MAST2: variants seen among roughly 807,000 people sequenced by gnomAD.
MAST2 encodes microtubule associated serine/threonine kinase 2.
MAST2 carries 70 observed loss-of-function variants against 147.4 expected under a neutral mutation model. The ratio of observed to expected loss-of-function variants is 0.47; its 90% CI spans 0.39 to 0.58. The LOEUF is 0.58. Among genes scored for constraint, MAST2 ranks in the 20% least tolerant of loss-of-function variants. The pLI is 0.00. For synonymous variants in MAST2, 869 were observed against 896.8 expected (o/e 0.97, Z 0.55); for missense variants, 2,080 against 2,302.3 (o/e 0.90, Z 1.98).
chr1:45,856,167 T>A (rs1434572157), intron 3 of MAST2, among the ~76,000 whole-genome samples: 1 of 152,146 alleles, frequency 6.6e-6, no homozygotes, highest in Non-Finnish European at 1.5e-5. Flanking sequence ...AAACTTGTAA[T>A]TAATGTTTGA....
chr1:46,036,014 A>C lies in MAST2; in HGVS notation c.5345A>C (p.Gln1782Pro). Residue 1782 changes from glutamine (Q) to proline (P), a missense_variant, in exon 29 of 29, where the codon CAA becomes CCA. Coordinates refer to ENST00000361297, the MANE Select transcript of MAST2 (RefSeq NM_015112.3). Reference sequence around the variant, plus strand: ...AGGGGCCAAGAACCAGGGGGCCATCAAAAGCATCGGGATTTGGCATTGGTT... The same window carrying C: ...AGGGGCCAAGAACCAGGGGGCCATCCAAAGCATCGGGATTTGGCATTGGTT... Reference protein sequence around the residue: ...LRRGQEPGGHQKHRDLALVPD... With the variant: ...LRRGQEPGGHPKHRDLALVPD... 3 of 1,613,292 alleles carry C rather than the reference A, an allele frequency of 1.9e-6. No individual in the cohort carries two copies. The highest frequency in any genetic ancestry group is 1.7e-6 in the Non-Finnish European group (2 of 1,179,884).
intron 4 of MAST2, among the ~76,000 whole-genome samples, chr1:45,923,324 C>T (rs928827226): frequency 2.6e-5 from 4 of 152,176 alleles, no homozygotes; most frequent in Non-Finnish European, 5.9e-5. Context: ...CCACTGCAGC[C>T]GGCGTCATGG....
At chr1:45,982,140 C>T (rs569959584) in intron 5 of MAST2, among the ~76,000 whole-genome samples, 69 of 152,228 alleles carry the variant, frequency 4.5e-4, no homozygotes, top group African/African-American at 1.4e-3. Context: ...TGAGCCACCG[C>T]GCCCGGCTGT....
At chr1:45,833,033 A>G (rs1645004618) in intron 3 of MAST2, among the ~76,000 whole-genome samples, 1 of 142,504 alleles carries the variant, frequency 7.0e-6, no homozygotes, top group African/African-American at 2.6e-5. Flanking sequence ...TTTTCATATA[A>G]ATCAAATCAA....
chr1:45,892,700 G>A (rs971321447), intron 4 of MAST2, among the ~76,000 whole-genome samples: 1 of 152,178 alleles, frequency 6.6e-6, no homozygotes, highest in African/African-American at 2.4e-5. Context: ...CACAGACTCT[G>A]GCTTCTAGCT....
In MAST2 at chr1:46,029,898, G is replaced by T. The variant is rs1646570763; in HGVS notation, c.2388G>T (p.Gln796His). The change falls in exon 20 of 29, where the codon CAG becomes CAT. Residue 796 changes from glutamine (Q) to histidine (H), a missense_variant. By Grantham distance (24) the Gln-to-His change is conservative. Transcript: ENST00000361297. ...TGGACTGGACAGGACTTCTCCGCCA[G>T]AAGGCTGAATTTATTCCTCAGTTGG... is the stretch of plus-strand genomic sequence containing the variant. ...TGLDWTGLLRQKAEFIPQLES... is the reference protein window; with the variant it reads ...TGLDWTGLLRHKAEFIPQLES... The T allele has an allele frequency of 6.2e-7, 1 of 1,614,104 alleles. No individual in the cohort carries two copies. The highest frequency in any genetic ancestry group is 1.3e-5 in the African/African-American group (1 of 74,944).
At chr1:45,913,620 C>A in intron 4 of MAST2, 1 of 998,330 alleles carries the variant, frequency 1.0e-6, no homozygotes, top group Non-Finnish European at 1.2e-6. Context: ...GTCACTGTCC[C>A]ACTGCTGCCT....
Position 46,032,165 on chromosome 1 carries a change from TCTC to T in MAST2, c.3188-10_3188-8del, listed in dbSNP as rs778161426. On this transcript the variant is annotated splice_polypyrimidine_tract_variant and intron_variant, in intron 24 of 28. Transcript: ENST00000361297. ...CCCTCTGACCCACTAAGTCCTGGCT[TCTC>T]CTTCTCCAGAACACCACACCTGCTC... 1.2e-6 allele frequency: 2 copies of T among 1,610,860 alleles called. No homozygotes were observed. Among genetic ancestry groups the T allele is most frequent in the Non-Finnish European group, 1.7e-6 (2 of 1,177,128 alleles).
intron 3 of MAST2, among the ~76,000 whole-genome samples, chr1:45,858,320 T>C (rs182208890): frequency 1.3e-5 from 2 of 152,270 alleles, no homozygotes; most frequent in East Asian, 3.9e-4. Flanking sequence ...TGAAATGAGA[T>C]GGTATCTCAT....
At chr1:45,979,637 A>G (rs1331577810) in intron 5 of MAST2, among the ~76,000 whole-genome samples, 3 of 152,170 alleles carry the variant, frequency 2.0e-5, no homozygotes, top group Non-Finnish European at 4.4e-5. Context: ...CAGCCTGGAC[A>G]ACATAGTGAG....
Position 45,818,535 on chromosome 1 carries a change from G to A in MAST2, c.178-5898G>A, listed in dbSNP as rs555588986. ...TCAGCTCATGAGGCACCCACTTAAC[G>A]AGCTTTTTCACCTTTTCGATTTGCT... is the stretch of plus-strand genomic sequence containing the variant. On this transcript the variant is annotated intron_variant, in intron 1 of 28. Transcript: ENST00000361297. Among the ~76,000 whole-genome samples the A allele has an allele frequency of 7.2e-5, 11 of 152,294 alleles. 1 individual carries two copies. In the South Asian group the frequency reaches 2.1e-3, roughly 29 times the overall value.
intron 3 of MAST2, among the ~76,000 whole-genome samples, chr1:45,841,674 G>C (rs1645281877): frequency 6.6e-6 from 1 of 152,118 alleles, no homozygotes. Context: ...AGAATTTACT[G>C]ACAGCAGTAT....
rs536152264 is a variant in MAST2 at position 45,993,026 on chromosome 1, C to T, written c.593-4698C>T. Among the ~76,000 whole-genome samples the T allele has an allele frequency of 6.6e-5, 10 of 152,174 alleles. No homozygotes were observed. In the South Asian group the frequency reaches 2.1e-3, roughly 32 times the overall value. ...AAATAATATTATACCACTTCACATA[C>T]AGGATAAGAATCTTCCATTTCTCCC... On this transcript the variant is annotated intron_variant, in intron 5 of 28. Coordinates refer to ENST00000361297, the MANE Select transcript of MAST2 (RefSeq NM_015112.3).
chr1:45,980,914 C>T (rs934233970), intron 5 of MAST2, among the ~76,000 whole-genome samples: 1 of 152,164 alleles, frequency 6.6e-6, no homozygotes, highest in African/African-American at 2.4e-5. Context: ...ATGGGTCCTC[C>T]TTGCCCACTG....
chr1:46,030,001 C>T lies in MAST2; in HGVS notation c.2443+48C>T. The T allele has an allele frequency of 1.9e-6, 3 of 1,611,002 alleles. No individual in the cohort carries two copies. In the South Asian group the frequency reaches 3.3e-5, roughly 18 times the overall value. On this transcript the variant is annotated intron_variant, in intron 20 of 28. Coordinates refer to ENST00000361297, the MANE Select transcript of MAST2 (RefSeq NM_015112.3). ...TGGAGGATGGGTCCTACCTGTTTGC[C>T]TAGAAACACCTGTGCACACTGAAAT...
At position 46,035,748 on chromosome 1, in the gene MAST2, GCCTAAGAA is replaced by G; in HGVS notation, c.5083_5090del (p.Lys1695ValfsTer12). On this transcript the variant is annotated frameshift_variant, in exon 29 of 29. Transcript: ENST00000361297. LOFTEE classifies it low-confidence loss of function (END_TRUNC). The surrounding 1 kb of genome is among the most constrained non-coding windows in gnomAD (Gnocchi z 5.5). ...ATTTGGAAAACACAACTCCAGCCCA[GCCTAAGAA>G]CCTGTCTCCCAGGGAGCAGGGGAAG... 3 of 1,614,088 alleles carry G rather than the reference GCCTAAGAA, an allele frequency of 1.9e-6. No homozygotes were observed. The highest frequency in any genetic ancestry group is 2.5e-6 in the Non-Finnish European group (3 of 1,180,028).
chr1:45,816,073 T>C (rs527853616), intron 1 of MAST2, among the ~76,000 whole-genome samples: 1 of 152,282 alleles, frequency 6.6e-6, no homozygotes, highest in South Asian at 2.1e-4. Context: ...TTTTGAGTTA[T>C]AACAATTTTG....
chr1:45,907,441 A>G (rs974766964), intron 4 of MAST2, among the ~76,000 whole-genome samples: 5 of 151,462 alleles, frequency 3.3e-5, no homozygotes, highest in African/African-American at 9.7e-5. Context: ...CAAGGTATAT[A>G]TAACAAAATT....
chr1:45,895,749 AAGAG>A (rs1648628689), intron 4 of MAST2, among the ~76,000 whole-genome samples: 2 of 152,246 alleles, frequency 1.3e-5, no homozygotes, highest in Non-Finnish European at 2.9e-5. Context: ...CATATCATCA[AAGAG>A]AGAAACAGGC....
Sources: gnomAD v4.1 joint callset for allele counts (sites outside exome capture counted in the v4.1 genomes callset) on GRCh38, gnomAD v4.1.1 for gene constraint, Gnocchi (gnomAD v3.1) non-coding constraint, MANE v1.5 for transcripts, NCBI Gene and HGNC (gene_info 2026-07-23, HGNC 2026-07-21) for gene names.